KIFAP3: variants seen among roughly 807,000 people sequenced by gnomAD.
KIFAP3 encodes the protein kinesin associated protein 3, also known as kinesin-associated protein 3.
A neutral mutation model predicts 106.5 loss-of-function variants in KIFAP3; 68 were observed. That is an observed-to-expected ratio of 0.64 (90% CI 0.53 to 0.78). The LOEUF (loss-of-function observed/expected upper bound fraction) is 0.78, where lower values mean the gene tolerates loss of function less well. KIFAP3 is among the 30% of genes least tolerant of loss of function. The pLI is 0.00. For synonymous variants in KIFAP3, 320 were observed against 311.5 expected (o/e 1.03, Z -0.29); for missense variants, 780 against 941.8 (o/e 0.83, Z 2.25).
chr1:170,035,420 A>G (rs987980631), intron 6 of KIFAP3, 34 bp downstream of exon 6: 2 of 1,321,682 alleles, frequency 1.5e-6, no homozygotes, highest in African/African-American at 3.0e-5. Flanking sequence ...ATAGAGATAC[A>G]GTAGCCTTTT....
chr1:170,000,509 T>C (rs1667610415), intron 10 of KIFAP3, among the ~76,000 whole-genome samples: 1 of 152,102 alleles, frequency 6.6e-6, no homozygotes, highest in Non-Finnish European at 1.5e-5. Flanking sequence ...ACAGTGAAAA[T>C]GCCACAGGTG....
chr1:170,021,941 C>CTTTTT (rs71125221), intron 9 of KIFAP3, among the ~76,000 whole-genome samples: 36 of 77,882 alleles, frequency 4.6e-4, no homozygotes, highest in African/African-American at 7.1e-4. Context: ...TCTTTTCTTT[C>CTTTTT]TTTTTTTTTT....
At chr1:170,056,017 AGCTAATT>A (rs1181714506) in intron 1 of KIFAP3, among the ~76,000 whole-genome samples, 1 of 152,004 alleles carries the variant, frequency 6.6e-6, no homozygotes, top group Non-Finnish European at 1.5e-5. Flanking sequence ...CTGTAGTCCT[AGCTAATT>A]GCAGGCTGAG....
intron 10 of KIFAP3, among the ~76,000 whole-genome samples, chr1:170,002,959 G>A (rs548559539): frequency 6.6e-6 from 1 of 152,082 alleles, no homozygotes; most frequent in Non-Finnish European, 1.5e-5. Context: ...ATGGACTTCT[G>A]AATACGTTTA....
chr1:169,997,203 T>G (rs1174179234), intron 10 of KIFAP3, among the ~76,000 whole-genome samples: 1 of 152,192 alleles, frequency 6.6e-6, no homozygotes, highest in African/African-American at 2.4e-5. Flanking sequence ...GTGTTTCAGT[T>G]TCATCATCTG....
At chr1:170,066,175 ACCC>A (rs35418624) in intron 1 of KIFAP3, among the ~76,000 whole-genome samples, 23 of 132,998 alleles carry the variant, frequency 1.7e-4, no homozygotes, top group South Asian at 5.1e-4. Flanking sequence ...TATTGCCTAC[ACCC>A]CCCCCCCCAT....
At chr1:169,931,377 G>GA (rs1304823889) in intron 19 of KIFAP3, among the ~76,000 whole-genome samples, 16 of 152,062 alleles carry the variant, frequency 1.1e-4, no homozygotes, top group Non-Finnish European at 1.8e-4. Flanking sequence ...GTTATTAACA[G>GA]AAAAAATGCT....
At chr1:169,996,765 T>C (rs1209577806) in intron 10 of KIFAP3, among the ~76,000 whole-genome samples, 1 of 152,120 alleles carries the variant, frequency 6.6e-6, no homozygotes, top group African/African-American at 2.4e-5. Flanking sequence ...AGGGACTCTG[T>C]ACGATCTGCT....
At chr1:170,025,587 T>C (rs746088293) in intron 8 of KIFAP3, among the ~76,000 whole-genome samples, 1 of 152,186 alleles carries the variant, frequency 6.6e-6, no homozygotes, top group African/African-American at 2.4e-5. Flanking sequence ...GGCCTGTTGA[T>C]GTATAAAGGC....
chr1:169,991,299 C>T (rs985334720), intron 11 of KIFAP3, among the ~76,000 whole-genome samples: 3 of 150,856 alleles, frequency 2.0e-5, no homozygotes, highest in African/African-American at 7.3e-5. Context: ...TGAGCTATGA[C>T]TGTACCACTG....
At chr1:170,047,493 C>T (rs6694135) in intron 2 of KIFAP3, among the ~76,000 whole-genome samples, 27,614 of 151,150 alleles carry the variant, frequency 0.18, 2,574 homozygotes, top group Admixed American at 0.23. Context: ...TGGTGGTGCG[C>T]GCCTGTAATC....
intron 11 of KIFAP3, among the ~76,000 whole-genome samples, chr1:169,988,526 T>G (rs1483385796): frequency 6.6e-6 from 1 of 151,970 alleles, no homozygotes; most frequent in Non-Finnish European, 1.5e-5. Context: ...TCTAAGATAT[T>G]CCAACCGGGG....
At chr1:169,973,123 A>ATATATAT (rs1553278139) in intron 16 of KIFAP3, among the ~76,000 whole-genome samples, 1 of 128,664 alleles carries the variant, frequency 7.8e-6, no homozygotes, top group Non-Finnish European at 1.6e-5. Context: ...ATATATATAT[A>ATATATAT]AACAACACAA....
Position 169,983,355 on chromosome 1 carries a change from C to T in KIFAP3, c.1421G>A (p.Arg474Lys). 3.7e-6 allele frequency: 6 copies of T among 1,608,912 alleles called. No individual in the cohort carries two copies. Among genetic ancestry groups the T allele is most frequent in the Non-Finnish European group, 5.1e-6 (6 of 1,177,246 alleles). The change falls in exon 13 of 20, where the codon AGG becomes AAG. Residue 474 changes from arginine to lysine, a missense_variant. Physicochemically the swap from Arg to Lys is conservative, Grantham distance 26 (BLOSUM62 2). This residue lies in a region of KIFAP3 where 588 missense variants were observed against 678.9 expected (regional missense o/e 0.87). Coordinates refer to ENST00000361580, the MANE Select transcript of KIFAP3 (RefSeq NM_014970.4). ...EGNGLKMLMK[R>K]ALKFKDPLLM... ...CAATGGATCCTTAAACTTCAGAGCC[C>T]TCTTCATGAGCATCTTCAGCCCATT...
chr1:170,005,170 A>C (rs1426095315), intron 10 of KIFAP3, among the ~76,000 whole-genome samples: 1 of 151,630 alleles, frequency 6.6e-6, no homozygotes, highest in Non-Finnish European at 1.5e-5. Context: ...ACCATCTCAC[A>C]CCAGTTAGAA....
intron 2 of KIFAP3, among the ~76,000 whole-genome samples, chr1:170,053,778 C>G (rs955945798): frequency 6.6e-6 from 1 of 152,116 alleles, no homozygotes; most frequent in African/African-American, 2.4e-5. Flanking sequence ...GCTGGGAAAA[C>G]TGGTTAGCCA....
At chr1:169,996,923 A>T (rs987865191) in intron 10 of KIFAP3, among the ~76,000 whole-genome samples, 2 of 152,178 alleles carry the variant, frequency 1.3e-5, no homozygotes, top group African/African-American at 4.8e-5. Context: ...CTGATGGGGC[A>T]AACTGCATTA....
At chr1:170,012,258 G>A (rs1277923221) in intron 10 of KIFAP3, among the ~76,000 whole-genome samples, 2 of 152,042 alleles carry the variant, frequency 1.3e-5, no homozygotes, top group East Asian at 3.9e-4. Context: ...ATATAAAAAT[G>A]AAAAATACAT....
intron 18 of KIFAP3, chr1:169,958,243 T>A (rs1223646846): frequency 6.6e-6 from 1 of 152,510 alleles, no homozygotes; most frequent in Non-Finnish European, 1.5e-5. Flanking sequence ...CCACTATGCC[T>A]GGGTAATTTC....
Sources: allele counts gnomAD v4.1 joint callset (sites outside exome capture counted in the v4.1 genomes callset), GRCh38; gene constraint gnomAD v4.1.1; regional missense constraint gnomAD v4.1.1; transcripts MANE v1.5; gene names NCBI Gene and HGNC (gene_info 2026-07-23, HGNC 2026-07-21).